The following TFCP2L1 variants were observed in gnomAD, a reference collection of about 807,000 sequenced individuals.
TFCP2L1 encodes the protein transcription factor CP2-like protein 1.
In TFCP2L1, 12 loss-of-function variants were observed where a neutral mutation model predicts 72.2. The observed-to-expected ratio is 0.17, with a 90% CI of 0.11 to 0.27. The LOEUF is 0.27. TFCP2L1 is among the 10% of genes least tolerant of loss of function. TFCP2L1 has a pLI of 1.00. For missense variants in TFCP2L1, 488 were observed against 624.6 expected, an observed-to-expected ratio of 0.78 and a Z score of 2.33; for synonymous variants, 260 against 251.0, an observed-to-expected ratio of 1.04 and a Z score of -0.34.
chr2:121,231,797 G>C (rs769872705), intron 13 of TFCP2L1, 29 bp downstream of exon 13: 2 of 1,609,252 alleles, frequency 1.2e-6, no homozygotes, highest in African/African-American at 1.3e-5. Flanking sequence ...AGAGCCCGTT[G>C]TCGGGGCAGG....
chr2:121,237,612 G>C lies in TFCP2L1; in HGVS notation c.1003+11C>G. ...ACTCATGGGCTTTAAACACAGTTCG[G>C]AGATGCTCACCTGAGAAGCTGGCAA... On this transcript the variant is annotated intron_variant, in intron 10 of 14. Coordinates refer to ENST00000263707, the MANE Select transcript of TFCP2L1 (RefSeq NM_014553.3). 6.2e-7 allele frequency: 1 copy of C among 1,614,018 alleles called. No individual in the cohort carries two copies. Among genetic ancestry groups the C allele is most frequent in the Non-Finnish European group, 8.5e-7 (1 of 1,180,016 alleles).
At chr2:121,255,811 C>G (rs991228056) in intron 2 of TFCP2L1, among the ~76,000 whole-genome samples, 1 of 151,546 alleles carries the variant, frequency 6.6e-6, no homozygotes, top group Admixed American at 6.6e-5. Context: ...GGCACGATCT[C>G]GGCTCACTGC....
rs752217827 is a variant in TFCP2L1 at position 121,237,711 on chromosome 2, C to G, written c.915G>C (p.Leu305=). The change falls in exon 10 of 15, where the codon CTG becomes CTC. Residue 305 remains leucine, a synonymous_variant. Coordinates refer to ENST00000263707, the MANE Select transcript of TFCP2L1 (RefSeq NM_014553.3). ...VEALPVGSDH[L]LPSASIQDAQ... ...CATCCTGGATCGAAGCTGATGGGAG[C>G]AGGTGCTGTGAGCAGAGGGGAGAGG... 1.9e-6 allele frequency: 3 copies of G among 1,614,070 alleles called. No individual in the cohort carries two copies. Among genetic ancestry groups the G allele is most frequent in the Non-Finnish European group, 2.5e-6 (3 of 1,180,060 alleles).
At chr2:121,251,732 G>A (rs993167657) in intron 2 of TFCP2L1, among the ~76,000 whole-genome samples, 2 of 152,186 alleles carry the variant, frequency 1.3e-5, no homozygotes, top group African/African-American at 4.8e-5. Flanking sequence ...TACTTAGCTA[G>A]ATTCAACCAA....
At chr2:121,249,218 C>G in intron 3 of TFCP2L1, 131 bp from the exon 4 acceptor site, 1 of 668,060 alleles carries the variant, frequency 1.5e-6, no homozygotes, top group Non-Finnish European at 2.5e-6. Context: ...TCCCAGTTCT[C>G]AAGCTTTGCC....
intron 2 of TFCP2L1, among the ~76,000 whole-genome samples, chr2:121,250,751 C>T (rs377273931): frequency 4.0e-5 from 6 of 151,070 alleles, no homozygotes; most frequent in Non-Finnish European, 8.9e-5. Context: ...AGATTACAGG[C>T]GCCTGCCACC....
intron 2 of TFCP2L1, among the ~76,000 whole-genome samples, chr2:121,274,534 G>C (rs1044632449): frequency 6.6e-6 from 1 of 152,046 alleles, no homozygotes; most frequent in African/African-American, 2.4e-5. Context: ...TTTAGATGTG[G>C]GTCAGAGCCT....
At chr2:121,237,980 A>G in intron 8 of TFCP2L1, 130 bp from the exon 9 acceptor site, 3 of 957,098 alleles carry the variant, frequency 3.1e-6, no homozygotes, top group Middle Eastern at 5.2e-4. Context: ...ATGAGTCCTC[A>G]AGAATTTCCT....
chr2:121,225,854 G>A (rs1686020385), intron 13 of TFCP2L1, among the ~76,000 whole-genome samples: 3 of 147,330 alleles, frequency 2.0e-5, no homozygotes, highest in South Asian at 2.1e-4. Flanking sequence ...CCACTGCCAC[G>A]GTGCCCACAC....
Position 121,222,766 on chromosome 2 carries a change from G to A in TFCP2L1, c.*1575C>T, listed in dbSNP as rs1369804559. On this transcript the variant is annotated 3_prime_UTR_variant, in exon 15 of 15. Transcript: ENST00000263707. ...GAATACAATTGGACACTAGCAATGG[G>A]TAAACTGAATGGCATGTGAATGACA... The A allele has an allele frequency of 6.6e-6, 1 of 152,150 alleles. No individual in the cohort carries two copies. The highest frequency in any genetic ancestry group is 2.4e-5 in the African/African-American group (1 of 41,432). 9.4% of individuals were successfully genotyped at this position (152,150 alleles called of 1,614,324 possible).
At chr2:121,226,327 G>C (rs1686032416) in intron 13 of TFCP2L1, among the ~76,000 whole-genome samples, 1 of 151,122 alleles carries the variant, frequency 6.6e-6, no homozygotes, top group Non-Finnish European at 1.5e-5. Context: ...ATGAAGGATG[G>C]AAAGAGGCCC....
chr2:121,227,860 G>A (rs1399438497), intron 13 of TFCP2L1, among the ~76,000 whole-genome samples: 2 of 151,692 alleles, frequency 1.3e-5, no homozygotes, highest in South Asian at 2.1e-4. Context: ...TCCACCTGTC[G>A]CCCCCGCCCC....
chr2:121,238,044 G>C (rs1573365002), intron 8 of TFCP2L1, among the ~76,000 whole-genome samples, 194 bp from the exon 9 acceptor site: 1 of 152,118 alleles, frequency 6.6e-6, no homozygotes, highest in African/African-American at 2.4e-5. Context: ...ATCCCTAACT[G>C]AGCCTTCATT....
chr2:121,284,597 G>A (rs1270142613), intron 1 of TFCP2L1, among the ~76,000 whole-genome samples: 1 of 152,232 alleles, frequency 6.6e-6, no homozygotes, highest in African/African-American at 2.4e-5. Context: ...TGCAGAGGGC[G>A]CGAGGCTGGG....
intron 6 of TFCP2L1, among the ~76,000 whole-genome samples, chr2:121,244,580 G>A (rs936266812): frequency 2.4e-4 from 36 of 152,168 alleles, no homozygotes; most frequent in Admixed American, 1.8e-3. Context: ...GCAACGCCTG[G>A]CATGGGTTGA....
chr2:121,270,822 TTG>T (rs1216149075), intron 2 of TFCP2L1, among the ~76,000 whole-genome samples: 1 of 151,644 alleles, frequency 6.6e-6, no homozygotes, highest in Non-Finnish European at 1.5e-5. Context: ...TGAGCTATGA[TTG>T]TGTCACTGCA....
chr2:121,274,105 A>C (rs1275239827), intron 2 of TFCP2L1, among the ~76,000 whole-genome samples: 1 of 152,008 alleles, frequency 6.6e-6, no homozygotes, highest in South Asian at 2.1e-4. Flanking sequence ...AAAAAAAAAA[A>C]AAAAGAAAAA....
intron 13 of TFCP2L1, 86 bp downstream of exon 13, chr2:121,231,740 C>A: frequency 6.4e-7 from 1 of 1,553,976 alleles, no homozygotes; most frequent in Non-Finnish European, 8.7e-7. Flanking sequence ...ACTCCCAAAC[C>A]CAAGTGTGTT....
intron 2 of TFCP2L1, among the ~76,000 whole-genome samples, chr2:121,268,805 TTAA>T (rs1686985202): frequency 6.7e-6 from 1 of 149,208 alleles, no homozygotes; most frequent in Non-Finnish European, 1.5e-5. Flanking sequence ...GGTGTTTACT[TTAA>T]TAACACATAC....
Sources: gnomAD v4.1 joint callset for allele counts (sites outside exome capture counted in the v4.1 genomes callset) on GRCh38, gnomAD v4.1.1 for gene constraint, MANE v1.5 for transcripts, NCBI Gene and HGNC (gene_info 2026-07-23, HGNC 2026-07-21) for gene names.